GDI2: variants seen among roughly 807,000 people sequenced by gnomAD.
The protein encoded by GDI2 is GDP dissociation inhibitor 2.
GDI2 carries 22 observed loss-of-function variants against 54.2 expected under a neutral mutation model. The observed-to-expected ratio is 0.41, with a 90% CI of 0.29 to 0.58. The LOEUF (loss-of-function observed/expected upper bound fraction) is 0.58, where lower values mean the gene tolerates loss of function less well. Among genes scored for constraint, GDI2 ranks in the 20% least tolerant of loss-of-function variants. The pLI is 0.35. For synonymous variants in GDI2, 177 were observed against 182.1 expected (o/e 0.97, Z 0.23); for missense variants, 422 against 546.0 (o/e 0.77, Z 2.26).
At chr10:5,798,153 C>G (rs61832864) in intron 2 of GDI2, among the ~76,000 whole-genome samples, 18,251 of 152,116 alleles carry the variant, frequency 0.12, 1,162 homozygotes, top group East Asian at 0.15. Flanking sequence ...GGTAAGAATA[C>G]TCAAATTAAT....
chr10:5,765,851 A>T lies in GDI2; in HGVS notation c.*155T>A, dbSNP rs138453901. On this transcript the variant is annotated 3_prime_UTR_variant, in exon 11 of 11. Transcript: ENST00000380191. ...ATAGCCACTCCATGAAAACAAGTTA[A>T]TAATTAGAAAGGTGAAGGGGAGTAT... 1.6e-3 allele frequency: 930 copies of T among 566,344 alleles called. 16 individuals carry two copies. The East Asian group carries it at 0.022, about 14-fold the overall frequency. The allele number at this position is 566,344 out of a possible 1,614,324, so 35.1% of individuals were successfully genotyped here. A position where few individuals can be genotyped will look rare whatever the true frequency, so the allele number is the denominator to read the frequency against.
chr10:5,787,583 C>T (rs943507114), intron 4 of GDI2, among the ~76,000 whole-genome samples: 2 of 152,086 alleles, frequency 1.3e-5, no homozygotes, highest in African/African-American at 4.8e-5. Flanking sequence ...ATTTACAATT[C>T]AGCCTTTTAA....
At chr10:5,804,529 G>A (rs1405396321) in intron 1 of GDI2, among the ~76,000 whole-genome samples, 2 of 152,112 alleles carry the variant, frequency 1.3e-5, no homozygotes, top group Non-Finnish European at 2.9e-5. Context: ...TGTTCTGCCC[G>A]CTTCTGAACT....
At chr10:5,810,012 T>G (rs1391309201) in intron 1 of GDI2, among the ~76,000 whole-genome samples, 2 of 152,252 alleles carry the variant, frequency 1.3e-5, no homozygotes, top group Non-Finnish European at 2.9e-5. Flanking sequence ...AAGTCCTTTG[T>G]CTACAGAACT....
chr10:5,791,537 C>T (rs922523027), intron 4 of GDI2, among the ~76,000 whole-genome samples: 2 of 151,980 alleles, frequency 1.3e-5, no homozygotes, highest in Admixed American at 6.6e-5. Context: ...CATCTGAGGT[C>T]GGGAGTTTGA....
chr10:5,773,731 C>G (rs1419634581), intron 7 of GDI2, 111 bp downstream of exon 7: 2 of 659,186 alleles, frequency 3.0e-6, no homozygotes, highest in Non-Finnish European at 5.4e-6. Flanking sequence ...TAAATACTAA[C>G]TTCCCATACA....
chr10:5,806,358 T>TC (rs1841380417), intron 1 of GDI2, among the ~76,000 whole-genome samples: 1 of 7,332 alleles, frequency 1.4e-4, no homozygotes, highest in Non-Finnish European at 1.4e-3. Context: ...GAGAATCGCT[T>TC]AAGCCCAGGT....
chr10:5,797,373 C>T (rs1332117493), intron 2 of GDI2, among the ~76,000 whole-genome samples: 1 of 151,914 alleles, frequency 6.6e-6, no homozygotes, highest in Admixed American at 6.6e-5. Flanking sequence ...GGTGAAACCC[C>T]ATCTCTACTG....
intron 8 of GDI2, among the ~76,000 whole-genome samples, chr10:5,767,940 TGTTA>T (rs1017018026): frequency 9.2e-5 from 14 of 152,288 alleles, no homozygotes; most frequent in East Asian, 7.7e-4. Flanking sequence ...AGGAACCTAC[TGTTA>T]GTTAGAGCTG....
At chr10:5,800,944 ATTTTT>A (rs571968017) in intron 1 of GDI2, among the ~76,000 whole-genome samples, 13 of 147,780 alleles carry the variant, frequency 8.8e-5, no homozygotes, top group South Asian at 4.3e-4. Context: ...TCACCTTTTA[ATTTTT>A]TTTTTTTATT....
At chr10:5,792,959 CA>C (rs34475268) in intron 4 of GDI2, among the ~76,000 whole-genome samples, 11,594 of 92,014 alleles carry the variant, frequency 0.13, 1,015 homozygotes, top group East Asian at 0.43. Flanking sequence ...GACCTTTGTC[CA>C]AAAAAAAAAA....
intron 3 of GDI2, 124 bp from the exon 4 acceptor site, chr10:5,795,143 T>C: frequency 1.6e-6 from 1 of 644,372 alleles, no homozygotes. Flanking sequence ...AATAATTTTT[T>C]TTTGAGACAC....
rs774421940 is a variant in GDI2 at position 5,766,044 on chromosome 10, T to C, written c.1300A>G (p.Met434Val). The C allele has an allele frequency of 5.0e-6, 8 of 1,590,614 alleles. No homozygotes were observed. In the East Asian group the frequency reaches 1.8e-4, roughly 35 times the overall value. The change falls in exon 11 of 11, where the codon ATG becomes GTG. Residue 434 changes from methionine (M) to valine (V), a missense_variant. By Grantham distance (21) the Met-to-Val change is conservative. Coordinates refer to ENST00000380191, the MANE Select transcript of GDI2 (RefSeq NM_001494.4). This position sits in a 1 kb window ranked among gnomAD's most constrained non-coding sequence, Gnocchi z 5.8. Reference sequence around the variant, plus strand: ...TAGATGTCATTCTTCTTGCGCTTCATTTCCTCAAAGTCAAACTCTGATCCT... The same window carrying C: ...TAGATGTCATTCTTCTTGCGCTTCACTTCCTCAAAGTCAAACTCTGATCCT... The part of the protein sequence containing the change: ...MTGSEFDFEE[M>V]KRKKNDIYGE...
In GDI2 at chr10:5,776,719, C is replaced by T; in HGVS notation, c.720-2778G>A. On this transcript the variant is annotated intron_variant, in intron 6 of 10. Coordinates refer to ENST00000380191, the MANE Select transcript of GDI2 (RefSeq NM_001494.4). This position sits in a 1 kb window ranked among gnomAD's most constrained non-coding sequence, Gnocchi z 5.3. ...CGCCACATTCAGAAACTGCTACAGC[C>T]TCTTTAACCTGGCAGAAGTTTGCAG... is the stretch of plus-strand genomic sequence containing the variant. 1 of 1,474,674 alleles carries T rather than the reference C, an allele frequency of 6.8e-7. No individual in the cohort carries two copies. Among genetic ancestry groups the T allele is most frequent in the Admixed American group, 1.7e-5 (1 of 58,106 alleles). The allele number at this position is 1,474,674 out of a possible 1,614,324, so 91.3% of individuals were successfully genotyped here.
chr10:5,768,592 TAC>T lies in GDI2; in HGVS notation c.820-210_820-209del. 1 of 555,584 alleles carries T rather than the reference TAC, an allele frequency of 1.8e-6. No individual in the cohort carries two copies. Among genetic ancestry groups the T allele is most frequent in the Non-Finnish European group, 3.2e-6 (1 of 311,562 alleles). The allele number at this position is 555,584 out of a possible 1,614,324, so 34.4% of individuals were successfully genotyped here. On this transcript the variant is annotated intron_variant, in intron 7 of 10. Coordinates refer to ENST00000380191, the MANE Select transcript of GDI2 (RefSeq NM_001494.4). This position sits in a 1 kb window ranked among gnomAD's most constrained non-coding sequence, Gnocchi z 4.4. ...CTGGAGGACTCACTCACTAAAAAGC[TAC>T]AGTGATCAATTCAGTGTGGTACTGG... is the stretch of plus-strand genomic sequence containing the variant.
At chr10:5,771,873 C>G (rs146586410) in intron 7 of GDI2, among the ~76,000 whole-genome samples, 1 of 152,130 alleles carries the variant, frequency 6.6e-6, no homozygotes, top group Non-Finnish European at 1.5e-5. Context: ...AGGCAGATCA[C>G]GAGGTCAAGA....
At chr10:5,767,676 T>C (rs1840387821) in intron 8 of GDI2, among the ~76,000 whole-genome samples, 1 of 152,196 alleles carries the variant, frequency 6.6e-6, no homozygotes. Flanking sequence ...TTAAGCTGAA[T>C]TTTAGATAAA....
At chr10:5,778,067 T>C (rs1840665938) in intron 6 of GDI2, among the ~76,000 whole-genome samples, 1 of 152,102 alleles carries the variant, frequency 6.6e-6, no homozygotes, top group African/African-American at 2.4e-5. Flanking sequence ...TTCTCACTCA[T>C]AAGTGGGAGT....
intron 7 of GDI2, among the ~76,000 whole-genome samples, chr10:5,771,863 A>G (rs1375638535): frequency 4.6e-5 from 7 of 152,276 alleles, no homozygotes; most frequent in Non-Finnish European, 2.9e-5. Flanking sequence ...AGGCCGAGGC[A>G]GGCAGATCAC....
Sources: gnomAD v4.1 joint callset for allele counts (sites outside exome capture counted in the v4.1 genomes callset) on GRCh38, gnomAD v4.1.1 for gene constraint, Gnocchi (gnomAD v3.1) non-coding constraint, MANE v1.5 for transcripts, NCBI Gene and HGNC (gene_info 2026-07-23, HGNC 2026-07-21) for gene names.